DGLUCY: variants seen among roughly 807,000 people sequenced by gnomAD.
DGLUCY encodes D-glutamate cyclase.
DGLUCY carries 58 observed loss-of-function variants against 58.5 expected under a neutral mutation model. The ratio of observed to expected loss-of-function variants is 0.99; its 90% CI spans 0.80 to 1.23. The LOEUF is 1.23. DGLUCY is among the 50% of genes most tolerant of loss of function. The pLI is 0.00. For missense variants in DGLUCY, 779 were observed against 784.7 expected, an observed-to-expected ratio of 0.99 and a Z score of 0.09; for synonymous variants, 325 against 314.1, an observed-to-expected ratio of 1.03 and a Z score of -0.37.
At chr14:91,092,418 T>G (rs1033438051) in intron 1 of DGLUCY, among the ~76,000 whole-genome samples, 4 of 152,250 alleles carry the variant, frequency 2.6e-5, no homozygotes, top group Admixed American at 2.0e-4. Context: ...TGTATGCTAG[T>G]GGGTTCTAAT....
At chr14:91,109,871 G>A (rs940436902), upstream of DGLUCY, among the ~76,000 whole-genome samples, 2 of 152,200 alleles carry the variant, frequency 1.3e-5, no homozygotes, top group Non-Finnish European at 2.9e-5. Context: ...TGTCAGAGCC[G>A]ACCATGTCTG....
intron 1 of DGLUCY, among the ~76,000 whole-genome samples, chr14:91,142,790 C>T (rs1203983991): frequency 7.8e-6 from 1 of 128,674 alleles, no homozygotes; most frequent in African/African-American, 3.0e-5. Context: ...ATGGTGACAC[C>T]CCATCTCTAC....
rs532442161 is a variant in DGLUCY at position 91,182,858 on chromosome 14, G to A, written c.934+1469G>A. The stretch of plus-strand genomic sequence containing the variant: ...CACTGGCCTTCTGTACATGGGAGAG[G>A]GCTGGTGGGATCCCCTAGGGGACCT... On this transcript the variant is annotated intron_variant, in intron 8 of 13. Coordinates refer to ENST00000256324, the MANE Select transcript of DGLUCY (RefSeq NM_001102368.3). 2.7e-4 allele frequency among the ~76,000 whole-genome samples: 41 copies of A among 151,044 alleles called. No individual in the cohort carries two copies. In the South Asian group the frequency reaches 7.7e-3, roughly 28 times the overall value.
At chr14:91,153,062 C>G (rs987731003) in intron 1 of DGLUCY, among the ~76,000 whole-genome samples, 6 of 152,150 alleles carry the variant, frequency 3.9e-5, no homozygotes, top group Non-Finnish European at 7.3e-5. Context: ...ACCGTAAATT[C>G]CTCCTTGAAA....
chr14:91,060,616 C>G (rs573791947), exon 1 of DGLUCY: 98 of 834,088 alleles, frequency 1.2e-4, no homozygotes, highest in East Asian at 5.5e-4. Flanking sequence ...GCCTCCTCCC[C>G]CTTCGGCGGG....
chr14:91,081,040 A>G (rs561316115), intron 1 of DGLUCY, among the ~76,000 whole-genome samples: 3 of 152,132 alleles, frequency 2.0e-5, no homozygotes, highest in Non-Finnish European at 4.4e-5. Flanking sequence ...TGTCTCTACT[A>G]AAAATACAAA....
At position 91,225,190 on chromosome 14, in the gene DGLUCY, A is replaced by G. The variant is rs1888028747; in HGVS notation, c.*357A>G. On this transcript the variant is annotated 3_prime_UTR_variant, in exon 14 of 14. Coordinates refer to ENST00000256324, the MANE Select transcript of DGLUCY (RefSeq NM_001102368.3). ...TGAACAATTAACTGCCAGGCAGAGC[A>G]TGAGAACAAACATTCCCAGGCCATG... 5.9e-6 allele frequency: 1 copy of G among 168,676 alleles called. No individual in the cohort carries two copies. The highest frequency in any genetic ancestry group is 6.3e-5 in the Admixed American group (1 of 15,816). The allele number at this position is 168,676 out of a possible 1,614,324, so 10.4% of individuals were successfully genotyped here.
At chr14:91,156,824 C>T (rs2047645982) in intron 1 of DGLUCY, among the ~76,000 whole-genome samples, 2 of 152,220 alleles carry the variant, frequency 1.3e-5, no homozygotes, top group Non-Finnish European at 1.5e-5. Flanking sequence ...CTGGGCCATG[C>T]AGCAGTGGGT....
intron 1 of DGLUCY, among the ~76,000 whole-genome samples, chr14:91,075,101 T>C (rs1347021476): frequency 6.6e-6 from 1 of 152,000 alleles, no homozygotes; most frequent in East Asian, 1.9e-4. Flanking sequence ...AGAATTGCTC[T>C]TCTTTTTATC....
chr14:91,060,599 G>T, exon 1 of DGLUCY: 1 of 950,936 alleles, frequency 1.1e-6, no homozygotes, highest in Non-Finnish European at 1.4e-6. Context: ...CGCACGGCTC[G>T]CTCCTCGCCT....
intron 1 of DGLUCY, among the ~76,000 whole-genome samples, chr14:91,073,668 A>G (rs1198846100): frequency 6.6e-6 from 1 of 152,016 alleles, no homozygotes; most frequent in Non-Finnish European, 1.5e-5. Flanking sequence ...TGGCTTTGAA[A>G]ATGGAGGGGA....
intron 13 of DGLUCY, chr14:91,223,644 A>G (rs1470323054): frequency 7.8e-7 from 1 of 1,276,756 alleles, no homozygotes; most frequent in Admixed American, 2.5e-5. Context: ...GGGATGGAGG[A>G]GGATCAAACC....
At chr14:91,104,231 T>G (rs992689251), upstream of DGLUCY, among the ~76,000 whole-genome samples, 15 of 150,902 alleles carry the variant, frequency 9.9e-5, no homozygotes, top group Non-Finnish European at 1.9e-4. Context: ...CCCGGCTAAT[T>G]TTTTGTATTT....
At chr14:91,067,080 C>CAAAAAA (rs778098019) in intron 1 of DGLUCY, among the ~76,000 whole-genome samples, 15 of 70,902 alleles carry the variant, frequency 2.1e-4, no homozygotes, top group South Asian at 5.7e-4. Flanking sequence ...GACTCCATCT[C>CAAAAAA]AAAAAAAAAA....
chr14:91,212,757 CT>C (rs1885882945), intron 12 of DGLUCY, among the ~76,000 whole-genome samples: 1 of 151,584 alleles, frequency 6.6e-6, no homozygotes, highest in Non-Finnish European at 1.5e-5. Flanking sequence ...AATCCCAGCA[CT>C]TTGGGAAGCT....
At position 91,204,721 on chromosome 14, in the gene DGLUCY, G is replaced by A; in HGVS notation, c.1460G>A (p.Gly487Asp). The A allele has an allele frequency of 6.2e-7, 1 of 1,614,004 alleles. No homozygotes were observed. The highest frequency in any genetic ancestry group is 8.5e-7 in the Non-Finnish European group (1 of 1,179,950). The change falls in exon 12 of 14, where the codon GGC becomes GAC. Residue 487 changes from glycine (G) to aspartate (D), a missense_variant. Gly to Asp is a moderately conservative substitution (Grantham distance 94). Coordinates refer to ENST00000256324, the MANE Select transcript of DGLUCY (RefSeq NM_001102368.3). ...GISSTGVGDG[G>D]NELGMGKVKE... is the part of the protein sequence containing the mutation. ...TTCCCTTCAGGAGTCGGTGATGGAG[G>A]CAACGAGCTTGGGATGGGTAAAGTC...
At chr14:91,145,457 G>A (rs955910131) in intron 1 of DGLUCY, 3 of 152,258 alleles carry the variant, frequency 2.0e-5, no homozygotes, top group Non-Finnish European at 4.4e-5. Flanking sequence ...TATGCCCAGA[G>A]ACACTGATGA....
At chr14:91,090,405 C>A (rs1176797577) in intron 1 of DGLUCY, among the ~76,000 whole-genome samples, 1 of 152,114 alleles carries the variant, frequency 6.6e-6, no homozygotes, top group Non-Finnish European at 1.5e-5. Flanking sequence ...ATGCCACTGC[C>A]CCACAAGCTA....
chr14:91,209,385 A>G (rs1305254543), intron 12 of DGLUCY, among the ~76,000 whole-genome samples: 1 of 152,002 alleles, frequency 6.6e-6, no homozygotes, highest in Non-Finnish European at 1.5e-5. Flanking sequence ...AATAATCACC[A>G]TAAATGTCAA....
Sources: allele counts gnomAD v4.1 joint callset (sites outside exome capture counted in the v4.1 genomes callset), GRCh38; gene constraint gnomAD v4.1.1; transcripts MANE v1.5; gene names NCBI Gene and HGNC (gene_info 2026-07-23, HGNC 2026-07-21).